PTPRJ: variants seen among roughly 807,000 people sequenced by gnomAD.
PTPRJ encodes receptor-type tyrosine-protein phosphatase eta.
PTPRJ carries 129 observed loss-of-function variants against 141.3 expected under a neutral mutation model. That is an observed-to-expected ratio of 0.91 (90% confidence interval 0.79 to 1.06). The LOEUF (loss-of-function observed/expected upper bound fraction) is 1.06. Ranked by LOEUF, PTPRJ falls within the 50% of genes least tolerant of loss-of-function variation. PTPRJ has a pLI of 0.00. For synonymous variants in PTPRJ, 610 were observed against 640.5 expected (o/e 0.95, Z 0.72); for missense variants, 1,601 against 1,679.7 (o/e 0.95, Z 0.82).
chr11:48,049,219 C>G (rs1054307972), intron 1 of PTPRJ, among the ~76,000 whole-genome samples: 1 of 152,070 alleles, frequency 6.6e-6, no homozygotes, highest in Admixed American at 6.6e-5. Context: ...AGTAGCACCC[C>G]CCTCCCAACT....
rs1856878548 is a variant in PTPRJ at position 48,127,810 on chromosome 11, T to C, written c.1124T>C (p.Val375Ala). The change falls in exon 7 of 25, where the codon GTG becomes GCG. Residue 375 changes from valine (V) to alanine (A), a missense_variant. Transcript: ENST00000418331. Reference sequence around the variant, plus strand: ...ATTCAGGTTTTTGACGTCACCGCTGTGAACATCAGTGCCACAAGCCTGACC... The same window carrying C: ...ATTCAGGTTTTTGACGTCACCGCTGCGAACATCAGTGCCACAAGCCTGACC... ...NAIQVFDVTA[V>A]NISATSLTLI... 1 of 1,614,230 alleles carries C rather than the reference T, an allele frequency of 6.2e-7. No individual in the cohort carries two copies.
At chr11:48,136,340 T>A in intron 9 of PTPRJ, 44 bp downstream of exon 9, 2 of 1,590,884 alleles carry the variant, frequency 1.3e-6, no homozygotes, top group Non-Finnish European at 8.6e-7. Flanking sequence ...CCTCTCTAAC[T>A]GTCTCTTGGA....
chr11:48,057,185 G>A (rs1420650545), intron 1 of PTPRJ, among the ~76,000 whole-genome samples: 5 of 152,182 alleles, frequency 3.3e-5, no homozygotes, highest in Non-Finnish European at 5.9e-5. Context: ...CTGGTGTGGT[G>A]CGCGGCTGTG....
At chr11:47,997,548 T>C (rs1854374681) in intron 1 of PTPRJ, among the ~76,000 whole-genome samples, 1 of 152,108 alleles carries the variant, frequency 6.6e-6, no homozygotes, top group African/African-American at 2.4e-5. Flanking sequence ...AGGTGTCGAG[T>C]TCTTCCCTAG....
At chr11:47,993,632 C>T (rs1854253819) in intron 1 of PTPRJ, among the ~76,000 whole-genome samples, 2 of 152,168 alleles carry the variant, frequency 1.3e-5, no homozygotes, top group African/African-American at 4.8e-5. Context: ...GACCACCATC[C>T]AGTAGCTGAG....
rs1180309975 is a variant in PTPRJ, at chr11:48,144,530, A to G, written c.2576-145A>G. 3.0e-5 allele frequency: 20 copies of G among 659,678 alleles called. 1 individual carries two copies. In the East Asian group the frequency reaches 3.8e-4, roughly 13 times the overall value. The allele number at this position is 659,678 out of a possible 1,614,324, so 40.9% of individuals were successfully genotyped here. ...CTGTAGGTGAAACCCTTAGAATTCA[A>G]TGTAAGTCAAACCTGGCACAGAGAG... On this transcript the variant is annotated intron_variant, in intron 12 of 24. Coordinates refer to ENST00000418331, the MANE Select transcript of PTPRJ (RefSeq NM_002843.4).
At chr11:47,982,674 A>C (rs1853941801) in intron 1 of PTPRJ, among the ~76,000 whole-genome samples, 1 of 151,000 alleles carries the variant, frequency 6.6e-6, no homozygotes, top group Non-Finnish European at 1.5e-5. Flanking sequence ...TTCAGCAAAA[A>C]AATTTTAAAT....
chr11:48,000,982 AT>A (rs1002159076), intron 1 of PTPRJ, among the ~76,000 whole-genome samples: 29,203 of 122,784 alleles, frequency 0.24, 3,639 homozygotes, highest in African/African-American at 0.38. Context: ...GTCCCATATA[AT>A]TTTTTTTTTT....
chr11:48,009,446 A>G (rs538839866), intron 1 of PTPRJ, among the ~76,000 whole-genome samples: 56 of 152,184 alleles, frequency 3.7e-4, no homozygotes, highest in Admixed American at 2.4e-3. Context: ...AAATACAAAA[A>G]CTAGCTGGGT....
chr11:48,014,138 A>G (rs1209328291), intron 1 of PTPRJ, among the ~76,000 whole-genome samples: 1 of 152,078 alleles, frequency 6.6e-6, no homozygotes, highest in African/African-American at 2.4e-5. Flanking sequence ...TTTTGGGACT[A>G]TCTCTCTATG....
chr11:48,090,247 C>T (rs530754768), intron 1 of PTPRJ, among the ~76,000 whole-genome samples: 6 of 152,330 alleles, frequency 3.9e-5, no homozygotes, highest in Admixed American at 3.3e-4. Context: ...CTCACAGCCC[C>T]AGGCGCCCTG....
At position 48,161,729 on chromosome 11, in the gene PTPRJ, C is replaced by T. The variant is rs1316751757; in HGVS notation, c.3558+1680C>T. On this transcript the variant is annotated intron_variant, in intron 22 of 24. Coordinates refer to ENST00000418331, the MANE Select transcript of PTPRJ (RefSeq NM_002843.4). ...TCGGGTCCAAGTGATTCTCCTGCCT[C>T]AGCCTCCTGAGTAGCTGGGACTACA... 2.6e-5 allele frequency among the ~76,000 whole-genome samples: 4 copies of T among 152,158 alleles called. 1 individual carries two copies. Among genetic ancestry groups the T allele is most frequent in the Admixed American group, 2.6e-4 (4 of 15,280 alleles).
At chr11:48,040,122 C>G (rs148691777) in intron 1 of PTPRJ, among the ~76,000 whole-genome samples, 104 of 152,314 alleles carry the variant, frequency 6.8e-4, no homozygotes, top group African/African-American at 2.4e-3. Flanking sequence ...CCAATGCATC[C>G]TGTCCCCGAG....
At chr11:48,108,308 G>C (rs533602838) in intron 1 of PTPRJ, among the ~76,000 whole-genome samples, 18 of 152,332 alleles carry the variant, frequency 1.2e-4, no homozygotes, top group Admixed American at 5.2e-4. Flanking sequence ...AAGCAAGGCA[G>C]GTACAAAGAT....
intron 1 of PTPRJ, among the ~76,000 whole-genome samples, chr11:48,047,116 A>C (rs1349883162): frequency 6.6e-6 from 1 of 151,694 alleles, no homozygotes; most frequent in Non-Finnish European, 1.5e-5. Context: ...GGGTTTCACC[A>C]TGTTGGCCAG....
Position 48,066,586 on chromosome 11 carries a change from AT to A in PTPRJ, c.97-43470del, listed in dbSNP as rs1855089921. Among the ~76,000 whole-genome samples, 3 of 136,678 alleles carry A rather than the reference AT, an allele frequency of 2.2e-5. No homozygotes were observed. The South Asian group carries it at 6.6e-4, about 30-fold the overall frequency. 89.7% of individuals were successfully genotyped at this position (136,678 alleles called of 152,430 possible). ...TATTATTATTATTATTATTATTATT[AT>A]TATTATTATTATTATTGAGACTGAG... On this transcript the variant is annotated intron_variant, in intron 1 of 24. Coordinates refer to ENST00000418331, the MANE Select transcript of PTPRJ (RefSeq NM_002843.4).
chr11:48,160,316 T>G (rs1045674179), intron 22 of PTPRJ, among the ~76,000 whole-genome samples: 3 of 152,230 alleles, frequency 2.0e-5, no homozygotes, highest in Non-Finnish European at 4.4e-5. Flanking sequence ...TCAGGAACTC[T>G]TTCCTTTCTT....
chr11:48,046,599 T>G (rs904066601), intron 1 of PTPRJ, among the ~76,000 whole-genome samples: 2 of 152,132 alleles, frequency 1.3e-5, no homozygotes, highest in African/African-American at 4.8e-5. Flanking sequence ...TATTATGGTT[T>G]CTTTTGTGGT....
chr11:48,120,741 C>T (rs561287741), intron 3 of PTPRJ, among the ~76,000 whole-genome samples: 3 of 152,240 alleles, frequency 2.0e-5, no homozygotes, highest in South Asian at 2.1e-4. Flanking sequence ...ACAGACTTAA[C>T]CCCATTTTTA....
Sources: gnomAD v4.1 joint callset for allele counts (sites outside exome capture counted in the v4.1 genomes callset) on GRCh38, gnomAD v4.1.1 for gene constraint, MANE v1.5 for transcripts, NCBI Gene and HGNC (gene_info 2026-07-23, HGNC 2026-07-21) for gene names.